Variants in DPP6 observed in about 807,000 individuals in gnomAD.
DPP6 encodes A-type potassium channel modulatory protein DPP6.
Under a neutral mutation model 122.6 loss-of-function variants are expected in DPP6, and 69 were observed. That is an observed-to-expected ratio of 0.56 (90% CI 0.46 to 0.69). The LOEUF (loss-of-function observed/expected upper bound fraction) is 0.69. DPP6 is among the 30% of genes least tolerant of loss of function. The probability of loss-of-function intolerance (pLI) is 0.00; values close to 1 mark genes in which losing one functional copy is unlikely to be tolerated. For synonymous variants in DPP6, 418 were observed against 433.1 expected (o/e 0.97, Z 0.43); for missense variants, 928 against 1,116.9 (o/e 0.83, Z 2.41).
intron 1 of DPP6, among the ~76,000 whole-genome samples, chr7:154,339,002 G>A (rs541013580): frequency 5.3e-5 from 8 of 152,290 alleles, no homozygotes; most frequent in African/African-American, 1.9e-4. Flanking sequence ...ATCTAACGTT[G>A]CTATTTAATC....
At chr7:154,413,666 T>G (rs904668677) in intron 1 of DPP6, among the ~76,000 whole-genome samples, 8 of 152,220 alleles carry the variant, frequency 5.3e-5, no homozygotes, top group African/African-American at 1.9e-4. Context: ...TTTTTCATTG[T>G]TTATCATTGG....
At chr7:153,974,814 C>G (rs1796209949) in intron 1 of DPP6, among the ~76,000 whole-genome samples, 1 of 152,152 alleles carries the variant, frequency 6.6e-6, no homozygotes, top group African/African-American at 2.4e-5. Flanking sequence ...CTTTGCTGCA[C>G]AATCTCTGTG....
At chr7:153,832,496 G>C in the DPP6 span, among the ~76,000 whole-genome samples, 2 of 152,228 alleles carry the variant, frequency 1.3e-5, no homozygotes, top group South Asian at 4.1e-4. Context: ...TTCTAATGCA[G>C]TTCATGGATA....
chr7:153,755,915 A>C, the DPP6 span, among the ~76,000 whole-genome samples: 5 of 152,300 alleles, frequency 3.3e-5, no homozygotes, highest in South Asian at 1.0e-3. Context: ...GCTATGGGAC[A>C]TGGCAAACTC....
At chr7:154,533,589 G>A (rs539127207) in intron 3 of DPP6, among the ~76,000 whole-genome samples, 7 of 152,128 alleles carry the variant, frequency 4.6e-5, no homozygotes, top group Non-Finnish European at 8.8e-5. Context: ...ATTTTATGAA[G>A]CAGAAATACT....
chr7:154,588,618 C>T (rs1363465165), intron 5 of DPP6: 1 of 152,290 alleles, frequency 6.6e-6, no homozygotes, highest in Non-Finnish European at 1.5e-5. Context: ...AGTAGATTCT[C>T]CCTGGAAACC....
At chr7:153,831,637 T>C in the DPP6 span, among the ~76,000 whole-genome samples, 3 of 152,242 alleles carry the variant, frequency 2.0e-5, no homozygotes, top group African/African-American at 7.2e-5. Flanking sequence ...AATTTATAGA[T>C]GGACACCGAC....
intron 8 of DPP6, among the ~76,000 whole-genome samples, chr7:154,734,769 T>C (rs955767038): frequency 6.6e-6 from 1 of 152,212 alleles, no homozygotes; most frequent in Admixed American, 6.5e-5. Flanking sequence ...CTTCACCACG[T>C]AAAAGCTGTA....
chr7:154,794,344 CAG>C, intron 11 of DPP6, 142 bp downstream of exon 11: 1 of 1,353,582 alleles, frequency 7.4e-7, no homozygotes, highest in Non-Finnish European at 9.6e-7. Context: ...GCCCGCGGCG[CAG>C]AGTCCCGGCT....
At chr7:153,972,564 A>G (rs1396821789) in intron 1 of DPP6, among the ~76,000 whole-genome samples, 1 of 144,118 alleles carries the variant, frequency 6.9e-6, no homozygotes, top group Admixed American at 7.0e-5. Flanking sequence ...CAGTATCTTC[A>G]GACAAGCTGC....
intron 1 of DPP6, among the ~76,000 whole-genome samples, chr7:154,055,406 AC>A (rs1585241874): frequency 6.7e-6 from 1 of 149,806 alleles, no homozygotes; most frequent in African/African-American, 2.5e-5. Context: ...ATATCAAACC[AC>A]TTTTCCTCCA....
At chr7:154,144,961 C>T (rs1796018329) in intron 1 of DPP6, among the ~76,000 whole-genome samples, 1 of 151,714 alleles carries the variant, frequency 6.6e-6, no homozygotes, top group African/African-American at 2.4e-5. Context: ...CCAGTTATGG[C>T]AGCCAAGCAG....
Position 154,863,748 on chromosome 7 carries a change from G to A in DPP6, c.1715-4247G>A, listed in dbSNP as rs370354512. Among the ~76,000 whole-genome samples the A allele has an allele frequency of 2.0e-4, 30 of 151,984 alleles. No homozygotes were observed. The highest frequency in any genetic ancestry group is 5.9e-4 in the East Asian group (3 of 5,066). On this transcript the variant is annotated intron_variant, in intron 17 of 25. Transcript: ENST00000377770. The surrounding 1 kb of genome is among the most constrained non-coding windows in gnomAD (Gnocchi z 4.1). ...GAGGATTGCTTGAGCCCGGGTGTTC[G>A]AGGCTGCAGTGAGTTATGATTTCAC... is the stretch of plus-strand genomic sequence containing the variant.
At chr7:154,478,800 T>G (rs12533390) in intron 3 of DPP6, among the ~76,000 whole-genome samples, 2 of 152,206 alleles carry the variant, frequency 1.3e-5, no homozygotes, top group Non-Finnish European at 2.9e-5. Flanking sequence ...ACCAAAATTA[T>G]AGGTTCCGAA....
chr7:153,786,477 C>T, the DPP6 span, among the ~76,000 whole-genome samples: 2 of 151,462 alleles, frequency 1.3e-5, no homozygotes, highest in African/African-American at 2.4e-5. Flanking sequence ...CAGTGGCTCA[C>T]GCCTGTAATC....
At chr7:153,927,717 A>G (rs1466807681) in intron 1 of DPP6, among the ~76,000 whole-genome samples, 2 of 152,144 alleles carry the variant, frequency 1.3e-5, no homozygotes, top group Non-Finnish European at 2.9e-5. Context: ...CAACCACCCT[A>G]GGAAGACTTT....
chr7:154,391,105 G>A (rs1195767041), intron 1 of DPP6, among the ~76,000 whole-genome samples: 1 of 152,166 alleles, frequency 6.6e-6, no homozygotes, highest in Non-Finnish European at 1.5e-5. Flanking sequence ...GGGCGTTCTG[G>A]AAATATCACA....
At chr7:153,961,408 G>A (rs1795345869) in intron 1 of DPP6, among the ~76,000 whole-genome samples, 1 of 151,190 alleles carries the variant, frequency 6.6e-6, no homozygotes, top group South Asian at 2.1e-4. Flanking sequence ...GGCACAGATC[G>A]TGTGATTCTA....
At chr7:154,582,516 C>T (rs933378415) in intron 5 of DPP6, among the ~76,000 whole-genome samples, 7 of 152,118 alleles carry the variant, frequency 4.6e-5, no homozygotes, top group Non-Finnish European at 1.0e-4. Context: ...CCCCTCACCT[C>T]GCCTGCTTCC....
Sources: allele counts gnomAD v4.1 joint callset (sites outside exome capture counted in the v4.1 genomes callset), GRCh38; gene constraint gnomAD v4.1.1; non-coding constraint Gnocchi (gnomAD v3.1); transcripts MANE v1.5; gene names NCBI Gene and HGNC (gene_info 2026-07-23, HGNC 2026-07-21).